The following IQGAP2 variants were observed in gnomAD, a reference collection of about 807,000 sequenced individuals.
The protein encoded by IQGAP2 is ras GTPase-activating-like protein IQGAP2.
A neutral mutation model predicts 201.3 loss-of-function variants in IQGAP2; 173 were observed. The ratio of observed to expected loss-of-function variants is 0.86; its 90% CI spans 0.76 to 0.98. The LOEUF (loss-of-function observed/expected upper bound fraction) is 0.98. Among genes scored for constraint, IQGAP2 ranks in the 50% least tolerant of loss-of-function variants. The probability of loss-of-function intolerance (pLI) is 0.00; values close to 1 mark genes in which losing one functional copy is unlikely to be tolerated. For synonymous variants in IQGAP2, 675 were observed against 673.9 expected, an observed-to-expected ratio of 1.00 and a Z score of -0.03; for missense variants, 1,687 against 1,864.8, an observed-to-expected ratio of 0.90 and a Z score of 1.76.
intron 13 of IQGAP2, chr5:76,624,185 A>G (rs1750010058): frequency 6.6e-6 from 1 of 152,190 alleles, no homozygotes; most frequent in African/African-American, 2.4e-5. Flanking sequence ...TGTACAGTTC[A>G]GTAATGTTAA....
rs986200959 is a variant in IQGAP2, at chr5:76,632,510, T to C, written c.1780+484T>C. On this transcript the variant is annotated intron_variant, in intron 15 of 35. Transcript: ENST00000274364. ...AATCCAATGGCAGAGCCTACATTGT[T>C]AGCTCTGGAAAGAATCTTTGAGACT... Among the ~76,000 whole-genome samples, 5 of 152,200 alleles carry C rather than the reference T, an allele frequency of 3.3e-5. No individual in the cohort carries two copies. In the East Asian group the frequency reaches 9.6e-4, roughly 29 times the overall value.
rs73123703 is a variant in IQGAP2, at chr5:76,609,252, A to C, written c.1358-1768A>C. The C allele has an allele frequency of 2.4e-3, 3,611 of 1,533,824 alleles. 17 individuals are homozygous for C. Among genetic ancestry groups the C allele is most frequent in the African/African-American group, 0.015 (1,124 of 73,044 alleles). ...AAAGGTATTTAGAACAGCTTACCCA[A>C]GGGGGGTGACCAGAGAATGGCACTA... On this transcript the variant is annotated intron_variant, in intron 12 of 35. Coordinates refer to ENST00000274364, the MANE Select transcript of IQGAP2 (RefSeq NM_006633.5).
chr5:76,545,006 AGTT>A (rs1240291391), intron 2 of IQGAP2, among the ~76,000 whole-genome samples: 4 of 152,082 alleles, frequency 2.6e-5, no homozygotes, highest in Non-Finnish European at 5.9e-5. Context: ...ATACATATGT[AGTT>A]GTATACAGTA....
At chr5:76,635,831 A>G (rs1399780185) in intron 15 of IQGAP2, among the ~76,000 whole-genome samples, 4 of 152,106 alleles carry the variant, frequency 2.6e-5, no homozygotes, top group African/African-American at 9.7e-5. Context: ...CCTGTCTCAA[A>G]AGCAAGAAAG....
chr5:76,668,770 T>A lies in IQGAP2; in HGVS notation c.2769T>A (p.Tyr923Ter). The change falls in exon 23 of 36, where the codon TAT (tyrosine) becomes TAA (stop). Residue 923 changes from tyrosine (Y) to a stop codon, truncating the protein, a stop_gained. Transcript: ENST00000274364. LOFTEE classifies it high-confidence loss of function. ...KFMDTVIFTLYNYASNQREEY... is the reference protein window; with the variant it reads ...KFMDTVIFTL Reference sequence around the variant, plus strand: ...TGGATACTGTTATTTTCACACTATATAATTATGCCTCTAATCAGCGAGAAG... The same window carrying A: ...TGGATACTGTTATTTTCACACTATAAAATTATGCCTCTAATCAGCGAGAAG... 6.2e-7 allele frequency: 1 copy of A among 1,609,772 alleles called. No homozygotes were observed. Among genetic ancestry groups the A allele is most frequent in the South Asian group, 1.1e-5 (1 of 90,324 alleles).
chr5:76,592,817 A>G (rs202150651), intron 8 of IQGAP2, 21 bp from the exon 9 acceptor site: 2 of 1,464,752 alleles, frequency 1.4e-6, no homozygotes, highest in Non-Finnish European at 1.9e-6. Flanking sequence ...CTCAGAAATC[A>G]GTGAAGACTT....
At chr5:76,585,522 T>A (rs574205745) in intron 5 of IQGAP2, among the ~76,000 whole-genome samples, 1 of 151,912 alleles carries the variant, frequency 6.6e-6, no homozygotes, top group East Asian at 1.9e-4. Context: ...TTTTTTTCTT[T>A]TTTTTTTTGA....
chr5:76,415,601 G>T (rs1053993969), intron 1 of IQGAP2, among the ~76,000 whole-genome samples: 3 of 152,212 alleles, frequency 2.0e-5, no homozygotes, highest in African/African-American at 7.2e-5. Flanking sequence ...GGACAGAAAT[G>T]TTAAGAGGCC....
chr5:76,551,138 C>A (rs1311013492), intron 2 of IQGAP2, among the ~76,000 whole-genome samples: 9 of 147,694 alleles, frequency 6.1e-5, no homozygotes, highest in Non-Finnish European at 1.0e-4. Context: ...ATGGGGCGGC[C>A]GGGCAGAGAC....
intron 2 of IQGAP2, among the ~76,000 whole-genome samples, chr5:76,519,505 A>T (rs189218474): frequency 6.6e-6 from 1 of 152,382 alleles, no homozygotes; most frequent in East Asian, 1.9e-4. Context: ...AGACATTCGT[A>T]TACAGAGTTT....
chr5:76,665,151 T>C lies in IQGAP2; in HGVS notation c.2655T>C (p.Tyr885=). 4.3e-6 allele frequency: 7 copies of C among 1,613,310 alleles called. No homozygotes were observed. Among genetic ancestry groups the C allele is most frequent in the Non-Finnish European group, 5.9e-6 (7 of 1,179,644 alleles). The change falls in exon 22 of 36, where the codon TAT becomes TAC. Residue 885 remains tyrosine, a synonymous_variant. Transcript: ENST00000274364. ...AGAGGAGAAAAACACTAGAAACATA[T>C]CAGCAGCTGTTTTACCTTTTACAGG... ...SKERRKTLET[Y]QQLFYLLQTN... is the part of the protein sequence containing the mutation.
At chr5:76,692,132 TTTTC>T (rs969578951) in intron 30 of IQGAP2, among the ~76,000 whole-genome samples, 2 of 152,238 alleles carry the variant, frequency 1.3e-5, no homozygotes, top group South Asian at 2.1e-4. Context: ...TTCTTCTTTC[TTTTC>T]TTTCTTTCTA....
intron 2 of IQGAP2, among the ~76,000 whole-genome samples, chr5:76,511,825 C>T (rs1297856444): frequency 2.6e-5 from 4 of 151,402 alleles, no homozygotes; most frequent in Non-Finnish European, 4.4e-5. Context: ...GGACTACAGG[C>T]GCCCGCCACT....
chr5:76,570,707 C>A, intron 4 of IQGAP2, 50 bp downstream of exon 4: 1 of 1,174,470 alleles, frequency 8.5e-7, no homozygotes, highest in South Asian at 1.2e-5. Flanking sequence ...AGGGGTAGTA[C>A]ACAAACATCT....
intron 15 of IQGAP2, among the ~76,000 whole-genome samples, chr5:76,632,372 T>C (rs1191127080): frequency 1.3e-5 from 2 of 152,156 alleles, no homozygotes; most frequent in East Asian, 1.9e-4. Context: ...TCCTTTGTGA[T>C]TGCACAGTAT....
chr5:76,647,823 C>CCACACACACA lies in IQGAP2; in HGVS notation c.2095-4908_2095-4899dup, dbSNP rs374577768. ...GTAACTGCTCTACTCTAGCCAAACA[C>CCACACACACA]CACACACACACACACACACACACAC... On this transcript the variant is annotated intron_variant, in intron 17 of 35. Coordinates refer to ENST00000274364, the MANE Select transcript of IQGAP2 (RefSeq NM_006633.5). 8.0e-3 allele frequency among the ~76,000 whole-genome samples: 500 copies of CCACACACACA among 62,632 alleles called. 1 individual carries two copies. Among genetic ancestry groups the CCACACACACA allele is most frequent in the African/African-American group, 0.02 (441 of 22,152 alleles). 41.1% of individuals were successfully genotyped at this position (62,632 alleles called of 152,430 possible).
intron 6 of IQGAP2, among the ~76,000 whole-genome samples, 165 bp downstream of exon 6, chr5:76,589,138 C>T (rs1446071607): frequency 2.0e-5 from 3 of 151,198 alleles, no homozygotes; most frequent in African/African-American, 2.4e-5. Context: ...AGTGAAACCC[C>T]GTCTCTACTA....
chr5:76,647,823 C>CCCCACACACACACACACA (rs1554080322), intron 17 of IQGAP2, among the ~76,000 whole-genome samples: 137 of 62,636 alleles, frequency 2.2e-3, no homozygotes, highest in African/African-American at 6.0e-3. Context: ...TAGCCAAACA[C>CCCCACACACACACACACA]CACACACACA....
chr5:76,562,332 G>A (rs1030324043), intron 2 of IQGAP2, 64 bp from the exon 3 acceptor site: 3 of 1,173,066 alleles, frequency 2.6e-6, no homozygotes, highest in Non-Finnish European at 3.7e-6. Context: ...AATGCTGCAT[G>A]CCTTCATTTG....
Sources: allele counts gnomAD v4.1 joint callset (sites outside exome capture counted in the v4.1 genomes callset), GRCh38; gene constraint gnomAD v4.1.1; transcripts MANE v1.5; gene names NCBI Gene and HGNC (gene_info 2026-07-23, HGNC 2026-07-21).